The following ATOX1 variants were observed in gnomAD, a reference collection of about 807,000 sequenced individuals.
The protein encoded by ATOX1 is copper transport protein ATOX1.
In ATOX1, 4 loss-of-function variants were observed where a neutral mutation model predicts 7.3. That is an observed-to-expected ratio of 0.55 (90% CI 0.27 to 1.25). ATOX1 has a LOEUF of 1.25. Among genes scored for constraint, ATOX1 ranks in the 50% most tolerant of loss-of-function variants. The pLI is 0.12. For synonymous variants in ATOX1, 25 were observed against 28.7 expected (o/e 0.87, Z 0.41); for missense variants, 68 against 81.6 (o/e 0.83, Z 0.64).
chr5:151,754,757 G>T (rs1368779558), intron 1 of ATOX1, among the ~76,000 whole-genome samples: 2 of 151,894 alleles, frequency 1.3e-5, no homozygotes, highest in African/African-American at 4.8e-5. Flanking sequence ...AGGCTGAGGC[G>T]GGAGGATCAC....
At chr5:151,746,232 A>T (rs1761877011) in intron 3 of ATOX1, 47 bp downstream of exon 3, 1 of 1,532,960 alleles carries the variant, frequency 6.5e-7, no homozygotes, top group Non-Finnish European at 8.8e-7. Context: ...CTCTGATGAG[A>T]GGTGTGAGCT....
intron 1 of ATOX1, among the ~76,000 whole-genome samples, chr5:151,755,378 C>T (rs1279946113): frequency 6.6e-6 from 1 of 152,166 alleles, no homozygotes; most frequent in African/African-American, 2.4e-5. Context: ...CCCAAGAGTT[C>T]ACTAGGTAGC....
intron 3 of ATOX1, chr5:151,744,331 G>A (rs1761856893): frequency 6.6e-6 from 1 of 152,180 alleles, no homozygotes; most frequent in African/African-American, 2.4e-5. Flanking sequence ...TAAGCTTGCA[G>A]GAGTTATTTA....
intron 2 of ATOX1, among the ~76,000 whole-genome samples, chr5:151,751,351 G>C (rs1466223100): frequency 1.3e-5 from 2 of 151,218 alleles, no homozygotes; most frequent in Non-Finnish European, 1.5e-5. Context: ...AACTAGTACT[G>C]CCATGGCTCC....
chr5:151,753,934 T>C (rs898631565), intron 1 of ATOX1: 2 of 152,236 alleles, frequency 1.3e-5, no homozygotes, highest in East Asian at 3.8e-4. Context: ...GCAGCTCGAT[T>C]TTCCAGTGCA....
chr5:151,748,717 C>T (rs1243806828), intron 2 of ATOX1, among the ~76,000 whole-genome samples: 1 of 152,072 alleles, frequency 6.6e-6, no homozygotes, highest in Admixed American at 6.6e-5. Flanking sequence ...CAAAAATTAG[C>T]TCAGTGTGTG....
chr5:151,745,731 C>T (rs1241489530), intron 3 of ATOX1: 1 of 152,710 alleles, frequency 6.5e-6, no homozygotes, highest in Non-Finnish European at 1.5e-5. Flanking sequence ...AGGCCCAAGG[C>T]ACAAGTGTCA....
chr5:151,754,027 TCTTTC>T (rs1396177203), intron 1 of ATOX1: 2 of 152,220 alleles, frequency 1.3e-5, no homozygotes, highest in Non-Finnish European at 2.9e-5. Flanking sequence ...AAATGGTCAG[TCTTTC>T]CTTTCTTCTA....
At chr5:151,755,938 CTTT>C (rs914215313) in intron 1 of ATOX1, among the ~76,000 whole-genome samples, 4 of 118,444 alleles carry the variant, frequency 3.4e-5, no homozygotes, top group Admixed American at 8.5e-5. Flanking sequence ...TGGGATGATT[CTTT>C]TTTTTTTTTT....
chr5:151,754,538 A>C (rs1314195806), intron 1 of ATOX1, among the ~76,000 whole-genome samples: 2 of 152,020 alleles, frequency 1.3e-5, no homozygotes, highest in African/African-American at 2.4e-5. Context: ...ACTTAAACCC[A>C]GGAGTTTGAG....
intron 1 of ATOX1, among the ~76,000 whole-genome samples, chr5:151,755,760 A>G (rs979068615): frequency 1.3e-5 from 2 of 152,136 alleles, no homozygotes; most frequent in Non-Finnish European, 2.9e-5. Flanking sequence ...TATTTCATGG[A>G]CAGAGTAATC....
chr5:151,752,161 G>A (rs1761958442), intron 1 of ATOX1: 1 of 676,886 alleles, frequency 1.5e-6, no homozygotes, highest in East Asian at 2.7e-5. Flanking sequence ...CCCATACTCT[G>A]AGCAATGCTG....
chr5:151,755,969 T>C (rs1057112579), intron 1 of ATOX1, among the ~76,000 whole-genome samples: 2 of 144,190 alleles, frequency 1.4e-5, no homozygotes, highest in African/African-American at 5.3e-5. Flanking sequence ...TGAGACTGAG[T>C]CTCACAGTGT....
At chr5:151,751,049 G>A (rs1207380111) in intron 2 of ATOX1, among the ~76,000 whole-genome samples, 2 of 151,860 alleles carry the variant, frequency 1.3e-5, no homozygotes, top group Non-Finnish European at 2.9e-5. Flanking sequence ...CTGAGGTCAG[G>A]GGTTCGAGAC....
At chr5:151,750,766 C>T (rs1761939743) in intron 2 of ATOX1, among the ~76,000 whole-genome samples, 1 of 150,720 alleles carries the variant, frequency 6.6e-6, no homozygotes, top group Non-Finnish European at 1.5e-5. Context: ...CCCACCTCAG[C>T]CCCCTAAATT....
intron 2 of ATOX1, among the ~76,000 whole-genome samples, chr5:151,748,155 A>G (rs1761901178): frequency 6.6e-6 from 1 of 152,232 alleles, no homozygotes; most frequent in Non-Finnish European, 1.5e-5. Flanking sequence ...CTAAATGGCT[A>G]TGCCAATTTA....
intron 2 of ATOX1, among the ~76,000 whole-genome samples, chr5:151,748,546 T>A (rs1761906188): frequency 6.6e-6 from 1 of 152,070 alleles, no homozygotes; most frequent in South Asian, 2.1e-4. Context: ...TAAAGGCAGA[T>A]CTTCCAGCAA....
Position 151,746,339 on chromosome 5 carries a change from G to T in ATOX1, c.193C>A (p.Leu65Ile), listed in dbSNP as rs1309858591. 6.2e-7 allele frequency: 1 copy of T among 1,613,628 alleles called. No individual in the cohort carries two copies. The highest frequency in any genetic ancestry group is 8.5e-7 in the Non-Finnish European group (1 of 1,179,744). ...LKKTGKTVSY[L>I]GLE ...CCAGGCCCCTGCTACTCAAGGCCAAGGTAGGAAACAGTCTTTCCTGTTTTC... is the reference window on the plus strand; with the variant it reads ...CCAGGCCCCTGCTACTCAAGGCCAATGTAGGAAACAGTCTTTCCTGTTTTC... Residue 65 changes from leucine (L) to isoleucine (I), a missense_variant, in exon 3 of 4, where the codon CTT becomes ATT. Transcript: ENST00000313115.
chr5:151,755,198 A>G (rs563197191), intron 1 of ATOX1, among the ~76,000 whole-genome samples: 1 of 152,238 alleles, frequency 6.6e-6, no homozygotes, highest in East Asian at 1.9e-4. Flanking sequence ...TATGGTTTGT[A>G]CTTATATACT....
Sources: gnomAD v4.1 joint callset for allele counts (sites outside exome capture counted in the v4.1 genomes callset) on GRCh38, gnomAD v4.1.1 for gene constraint, MANE v1.5 for transcripts, NCBI Gene and HGNC (gene_info 2026-07-23, HGNC 2026-07-21) for gene names.